TSBP1: variants seen among roughly 807,000 people sequenced by gnomAD.
The protein encoded by TSBP1 is testis expressed basic protein 1, also known as testis-expressed basic protein 1.
Under a neutral mutation model 68.8 loss-of-function variants are expected in TSBP1, and 56 were observed. That is an observed-to-expected ratio of 0.81 (90% CI 0.66 to 1.02). The LOEUF is 1.02. Ranked by LOEUF, TSBP1 falls within the 50% of genes least tolerant of loss-of-function variation. TSBP1 has a pLI of 0.00. For synonymous variants in TSBP1, 171 were observed against 208.7 expected (o/e 0.82, Z 1.56); for missense variants, 502 against 641.2 (o/e 0.78, Z 2.34).
chr6:32,370,787 A>T (rs1309094277), intron 1 of TSBP1, among the ~76,000 whole-genome samples: 1 of 151,920 alleles, frequency 6.6e-6, no homozygotes, highest in African/African-American at 2.4e-5. Flanking sequence ...AGGAGAGAAA[A>T]ATCTTAGACA....
intron 19 of TSBP1, among the ~76,000 whole-genome samples, chr6:32,313,804 G>T (rs1766667386): frequency 6.6e-6 from 1 of 152,148 alleles, no homozygotes; most frequent in South Asian, 2.1e-4. Flanking sequence ...CTCCAGCAGG[G>T]CTCTGCACCC....
rs1313838412 is a variant in TSBP1 at position 32,315,174 on chromosome 6, G to A, written c.580+598C>T. ...GACACAGTGTGAAAGGTGCTTTCACGAATTCTATATTAAATATCATCATGG... is the reference window on the plus strand; with the variant it reads ...GACACAGTGTGAAAGGTGCTTTCACAAATTCTATATTAAATATCATCATGG... On this transcript the variant is annotated intron_variant, in intron 19 of 22. Coordinates refer to ENST00000612031, the Ensembl canonical transcript of TSBP1. The surrounding 1 kb of genome is among the most constrained non-coding windows in gnomAD (Gnocchi z 5.4). Among the ~76,000 whole-genome samples the A allele has an allele frequency of 6.6e-6, 1 of 152,122 alleles. No homozygotes were observed. The highest frequency in any genetic ancestry group is 1.5e-5 in the Non-Finnish European group (1 of 68,020).
rs926594 is a variant in TSBP1 at position 32,337,593 on chromosome 6, T to G, written c.410-958A>C. ...CTTAAGACATTTATAGGTATGAGTG[T>G]TGGGCAAAGGAATTGAGACACTAGA... is the stretch of plus-strand genomic sequence containing the variant. On this transcript the variant is annotated intron_variant, in intron 11 of 22. Coordinates refer to ENST00000612031, the Ensembl canonical transcript of TSBP1. The surrounding 1 kb of genome is among the most constrained non-coding windows in gnomAD (Gnocchi z 5.5). 0.34 allele frequency among the ~76,000 whole-genome samples: 51,134 copies of G among 152,008 alleles called. 9,664 individuals are homozygous for G. Among genetic ancestry groups the G allele is most frequent in the Middle Eastern group, 0.52 (153 of 294 alleles).
chr6:32,310,761 A>ATATATATATATATATATATATTTTTTT, intron 19 of TSBP1, among the ~76,000 whole-genome samples: 2 of 144,834 alleles, frequency 1.4e-5, no homozygotes, highest in South Asian at 2.2e-4. Context: ...ATATATATAT[A>ATATATATATATATATATATATTTTTTT]TTTTTAATCT....
In TSBP1 at chr6:32,338,796, G is replaced by A. The variant is rs1769973194; in HGVS notation, c.409+183C>T. ...TCTCAAGATTTCGGAAAAGTTAAAG[G>A]CAATAGTACTTTCTTACAGAGGCAC... On this transcript the variant is annotated intron_variant, in intron 11 of 22. Transcript: ENST00000612031. This position sits in a 1 kb window ranked among gnomAD's most constrained non-coding sequence, Gnocchi z 5.5. 6.6e-6 allele frequency among the ~76,000 whole-genome samples: 1 copy of A among 152,040 alleles called. No individual in the cohort carries two copies. Among genetic ancestry groups the A allele is most frequent in the Non-Finnish European group, 1.5e-5 (1 of 68,012 alleles).
intron 15 of TSBP1, among the ~76,000 whole-genome samples, chr6:32,331,003 A>G (rs1177584516): frequency 2.0e-5 from 3 of 152,198 alleles, no homozygotes; most frequent in African/African-American, 7.2e-5. Context: ...AAAGGCAAGC[A>G]GTGAAAATGA....
Position 32,355,683 on chromosome 6 carries a change from CAAAA to C in TSBP1, c.218-18_218-15del, listed in dbSNP as rs746836118. The C allele has an allele frequency of 2.2e-5, 35 of 1,582,254 alleles. No homozygotes were observed. The highest frequency in any genetic ancestry group is 2.7e-5 in the Non-Finnish European group (31 of 1,167,366). The stretch of plus-strand genomic sequence containing the variant: ...TTTTGGATCTCTCTGAAAACATAAA[CAAAA>C]GAAAGAAAAATCAATTTGGATATTC... On this transcript the variant is annotated splice_polypyrimidine_tract_variant and intron_variant, in intron 6 of 22. Transcript: ENST00000612031.
At chr6:32,308,205 T>A (rs771475501) in intron 19 of TSBP1, among the ~76,000 whole-genome samples, 3 of 152,152 alleles carry the variant, frequency 2.0e-5, no homozygotes, top group Non-Finnish European at 4.4e-5. Flanking sequence ...ATTAAAAAAA[T>A]TTAATTCTTT....
intron 18 of TSBP1, among the ~76,000 whole-genome samples, chr6:32,317,105 T>C (rs918990134): frequency 6.6e-6 from 1 of 151,934 alleles, no homozygotes; most frequent in African/African-American, 2.4e-5. Context: ...TAGTAGGAAA[T>C]AGACACATAG....
At chr6:32,370,071 G>T in intron 1 of TSBP1, 88 bp from the exon 2 acceptor site, 1 of 767,742 alleles carries the variant, frequency 1.3e-6, no homozygotes. Flanking sequence ...CTATCCACCA[G>T]ATAGACTTTT....
In TSBP1 at chr6:32,293,734, C is replaced by T. The variant is rs151122056; in HGVS notation, c.939G>A (p.Met313Ile). The stretch of plus-strand genomic sequence containing the variant: ...GGGCTCCCTGTCCTTGTGGTATACT[C>T]ATCTCACTGATTTTTAGTTGGGTTT... Residue 313 changes from methionine (M) to isoleucine (I), a missense_variant, in exon 23 of 23, where the codon ATG (methionine) becomes ATA (isoleucine). Met to Ile is a conservative substitution (Grantham distance 10, BLOSUM62 1). Transcript: ENST00000612031. 98 of 1,612,700 alleles carry T rather than the reference C, an allele frequency of 6.1e-5. No individual in the cohort carries two copies. In the African/African-American group the frequency reaches 1.2e-3, roughly 20 times the overall value.
chr6:32,298,667 T>C (rs752816937), intron 22 of TSBP1, among the ~76,000 whole-genome samples: 4 of 152,202 alleles, frequency 2.6e-5, no homozygotes, highest in Non-Finnish European at 5.9e-5. Context: ...TAGTGTGAAC[T>C]GAGAAAGAAG....
intron 22 of TSBP1, among the ~76,000 whole-genome samples, chr6:32,294,533 C>G (rs1209386879): frequency 6.6e-6 from 1 of 152,186 alleles, no homozygotes; most frequent in Non-Finnish European, 1.5e-5. Flanking sequence ...ACTCACTGCT[C>G]TAAGCACTTT....
rs1467143221 is a variant in TSBP1 at position 32,314,934 on chromosome 6, A to G, written c.580+838T>C. 6.6e-6 allele frequency among the ~76,000 whole-genome samples: 1 copy of G among 152,206 alleles called. No individual in the cohort carries two copies. The highest frequency in any genetic ancestry group is 1.5e-5 in the Non-Finnish European group (1 of 68,030). ...TTCTTCAGACTATGCGTGTCCTCCC[A>G]GTTTAACACAGTTCCCAGGAGACTC... is the stretch of plus-strand genomic sequence containing the variant. On this transcript the variant is annotated intron_variant, in intron 19 of 22. Coordinates refer to ENST00000612031, the Ensembl canonical transcript of TSBP1. The surrounding 1 kb of genome is among the most constrained non-coding windows in gnomAD (Gnocchi z 4.2).
At chr6:32,341,235 C>T (rs1327839765) in intron 9 of TSBP1, among the ~76,000 whole-genome samples, 3 of 152,050 alleles carry the variant, frequency 2.0e-5, no homozygotes, top group Non-Finnish European at 2.9e-5. Flanking sequence ...CATATCCTGC[C>T]AAAATACTGA....
intron 21 of TSBP1, among the ~76,000 whole-genome samples, 169 bp from the exon 25 acceptor site, chr6:32,300,105 A>G (rs1184398983): frequency 6.6e-6 from 1 of 151,962 alleles, no homozygotes; most frequent in Admixed American, 6.5e-5. Context: ...ATCGCACTCC[A>G]CACAGAGGGT....
Position 32,339,013 on chromosome 6 carries a change from A to C in TSBP1, c.389-14T>G, listed in dbSNP as rs534053919. 9.3e-6 allele frequency: 15 copies of C among 1,609,032 alleles called. No individual in the cohort carries two copies. The South Asian group carries it at 1.4e-4, about 15-fold the overall frequency. On this transcript the variant is annotated splice_polypyrimidine_tract_variant and intron_variant, in intron 10 of 22. Coordinates refer to ENST00000612031, the Ensembl canonical transcript of TSBP1. ...CTGCAGTTCTGGCTAAAATACAAAC[A>C]AAAAAGGTGAGTTTGAAGAGAGCAT... is the stretch of plus-strand genomic sequence containing the variant.
chr6:32,366,583 G>A (rs1773751916), intron 4 of TSBP1, among the ~76,000 whole-genome samples: 1 of 151,468 alleles, frequency 6.6e-6, no homozygotes, highest in East Asian at 1.9e-4. Context: ...CTAACACGGT[G>A]AAACCCCGTC....
chr6:32,301,971 A>C (rs540637552), intron 20 of TSBP1, among the ~76,000 whole-genome samples: 259 of 148,418 alleles, frequency 1.7e-3, no homozygotes, highest in Middle Eastern at 3.6e-3. Context: ...TCATCATCAT[A>C]ATAATAATAA....
Sources: gnomAD v4.1 joint callset for allele counts (sites outside exome capture counted in the v4.1 genomes callset) on GRCh38, gnomAD v4.1.1 for gene constraint, Gnocchi (gnomAD v3.1) non-coding constraint, MANE v1.5 for transcripts, NCBI Gene and HGNC (gene_info 2026-07-23, HGNC 2026-07-21) for gene names.